KCNIP4: variants seen among roughly 807,000 people sequenced by gnomAD.
The protein encoded by KCNIP4 is Kv channel-interacting protein 4.
In KCNIP4, 12 loss-of-function variants were observed where a neutral mutation model predicts 34.0. The ratio of observed to expected loss-of-function variants is 0.35; its 90% CI spans 0.23 to 0.57. KCNIP4 has a LOEUF of 0.57. KCNIP4 is among the 20% of genes least tolerant of loss of function. The pLI, the probability that KCNIP4 is intolerant of heterozygous loss-of-function variation, is 0.83. For missense variants in KCNIP4, 238 were observed against 311.7 expected, an observed-to-expected ratio of 0.76 and a Z score of 1.78; for synonymous variants, 124 against 102.2, an observed-to-expected ratio of 1.21 and a Z score of -1.29.
intron 3 of KCNIP4, among the ~76,000 whole-genome samples, chr4:20,838,693 T>C (rs1268705190): frequency 2.6e-5 from 4 of 152,164 alleles, no homozygotes; most frequent in Non-Finnish European, 5.9e-5. Flanking sequence ...TAGCAAGGGA[T>C]AGCAGGACAA....
chr4:21,602,762 T>C (rs1376619633), intron 1 of KCNIP4, among the ~76,000 whole-genome samples: 6 of 152,108 alleles, frequency 3.9e-5, no homozygotes, highest in African/African-American at 1.2e-4. Flanking sequence ...CTTACCTAAA[T>C]TGATAGGTTC....
At chr4:21,777,528 C>G (rs761723876) in intron 1 of KCNIP4, among the ~76,000 whole-genome samples, 1 of 152,142 alleles carries the variant, frequency 6.6e-6, no homozygotes, top group African/African-American at 2.4e-5. Context: ...ACAATTTTTA[C>G]AGTAGGACAC....
chr4:21,912,446 T>G lies in KCNIP4; in HGVS notation c.61+36125A>C, dbSNP rs111572162. Among the ~76,000 whole-genome samples the G allele has an allele frequency of 4.7e-3, 717 of 152,340 alleles. 5 individuals are homozygous for G. Among genetic ancestry groups the G allele is most frequent in the African/African-American group, 0.016 (676 of 41,572 alleles). ...GTTTTTGTCCACATGTTCATGGAGT[T>G]TACAATCTAGTGTAGGAAACAAACA... On this transcript the variant is annotated intron_variant, in intron 1 of 8. Coordinates refer to ENST00000382152, the MANE Select transcript of KCNIP4 (RefSeq NM_025221.6).
chr4:21,743,676 T>A (rs887833637), intron 1 of KCNIP4, among the ~76,000 whole-genome samples: 4 of 151,538 alleles, frequency 2.6e-5, no homozygotes, highest in Admixed American at 2.0e-4. Context: ...TACTTTCTCT[T>A]TTTCTCCATA....
chr4:21,645,450 C>T (rs1746940384), intron 1 of KCNIP4, among the ~76,000 whole-genome samples: 1 of 152,146 alleles, frequency 6.6e-6, no homozygotes, highest in South Asian at 2.1e-4. Context: ...TAGCTAAATA[C>T]CTTGCAAAAG....
intron 1 of KCNIP4, among the ~76,000 whole-genome samples, chr4:21,231,781 G>A (rs148088489): frequency 3.9e-5 from 6 of 152,224 alleles, no homozygotes; most frequent in African/African-American, 1.4e-4. Context: ...TTGTCAGGAG[G>A]CAAGAGAGAG....
At chr4:21,707,662 G>A (rs1227582614) in intron 1 of KCNIP4, among the ~76,000 whole-genome samples, 2 of 151,986 alleles carry the variant, frequency 1.3e-5, no homozygotes, top group African/African-American at 2.4e-5. Context: ...GAGAGTCAGA[G>A]ACAGATGTTT....
chr4:20,899,638 CA>C (rs1375715801), intron 1 of KCNIP4, among the ~76,000 whole-genome samples: 1 of 152,126 alleles, frequency 6.6e-6, no homozygotes, highest in Non-Finnish European at 1.5e-5. Context: ...ACACTATTTG[CA>C]ACTTGAAAAT....
intron 1 of KCNIP4, among the ~76,000 whole-genome samples, chr4:21,260,980 T>A (rs970992299): frequency 2.6e-5 from 4 of 152,164 alleles, no homozygotes; most frequent in East Asian, 3.9e-4. Context: ...TCTGACTGAG[T>A]TGTCAGCTCT....
At chr4:20,953,915 G>C (rs1204764736) in intron 1 of KCNIP4, among the ~76,000 whole-genome samples, 1 of 152,134 alleles carries the variant, frequency 6.6e-6, no homozygotes, top group Non-Finnish European at 1.5e-5. Flanking sequence ...GCCCTACTGA[G>C]AGTGGGCCAT....
chr4:20,876,765 G>C (rs1469132855), intron 2 of KCNIP4, among the ~76,000 whole-genome samples: 1 of 152,036 alleles, frequency 6.6e-6, no homozygotes, highest in Non-Finnish European at 1.5e-5. Flanking sequence ...GTAGAGACAG[G>C]GTTTCACCAT....
intron 2 of KCNIP4, among the ~76,000 whole-genome samples, chr4:20,862,404 G>A (rs1722298847): frequency 6.6e-6 from 1 of 152,082 alleles, no homozygotes; most frequent in African/African-American, 2.4e-5. Flanking sequence ...GAATGCTGAG[G>A]GGGCAGAGGA....
chr4:21,491,720 GT>G, intron 1 of KCNIP4, among the ~76,000 whole-genome samples: 1 of 152,096 alleles, frequency 6.6e-6, no homozygotes, highest in East Asian at 1.9e-4. Context: ...AAACACTTTT[GT>G]TCTGACAAAC....
intron 1 of KCNIP4, among the ~76,000 whole-genome samples, chr4:21,880,671 T>C (rs1051015663): frequency 2.0e-5 from 3 of 152,210 alleles, no homozygotes; most frequent in Admixed American, 2.0e-4. Flanking sequence ...GAGAATTTAC[T>C]GTATGGCATG....
intron 1 of KCNIP4, among the ~76,000 whole-genome samples, chr4:21,287,172 G>T (rs768876432): frequency 3.5e-4 from 53 of 152,192 alleles, no homozygotes; most frequent in Non-Finnish European, 6.5e-4. Flanking sequence ...TACTAGAGAA[G>T]AGAAAGGCAA....
At chr4:20,960,230 AT>A (rs1213771672) in intron 1 of KCNIP4, among the ~76,000 whole-genome samples, 2 of 152,030 alleles carry the variant, frequency 1.3e-5, no homozygotes, top group Non-Finnish European at 2.9e-5. Context: ...GCCTCCCCTT[AT>A]TTTCTTAAAG....
intron 1 of KCNIP4, among the ~76,000 whole-genome samples, chr4:21,610,752 C>G (rs946571901): frequency 6.6e-6 from 1 of 152,038 alleles, no homozygotes; most frequent in Non-Finnish European, 1.5e-5. Context: ...TTAATTGACT[C>G]ACTTTTCTGC....
At chr4:21,108,335 C>G (rs184601204) in intron 1 of KCNIP4, among the ~76,000 whole-genome samples, 1 of 148,978 alleles carries the variant, frequency 6.7e-6, no homozygotes, top group East Asian at 1.9e-4. Context: ...CTTCTCGCTT[C>G]ATTTCATTCA....
intron 1 of KCNIP4, among the ~76,000 whole-genome samples, chr4:21,935,060 C>A (rs1729779130): frequency 1.3e-5 from 2 of 151,958 alleles, no homozygotes; most frequent in Non-Finnish European, 1.5e-5. Flanking sequence ...TCATCAGTTA[C>A]CCCAGCTGGA....
Sources: allele counts gnomAD v4.1 joint callset (sites outside exome capture counted in the v4.1 genomes callset), GRCh38; gene constraint gnomAD v4.1.1; transcripts MANE v1.5; gene names NCBI Gene and HGNC (gene_info 2026-07-23, HGNC 2026-07-21).